The following POLR2F variants were observed in gnomAD, a reference collection of about 807,000 sequenced individuals.
POLR2F encodes DNA-directed RNA polymerases I, II, and III subunit RPABC2.
In POLR2F, 12 loss-of-function variants were observed where a neutral mutation model predicts 22.7. The observed-to-expected ratio is 0.53, with a 90% CI of 0.34 to 0.86. POLR2F has a LOEUF of 0.86. Ranked by LOEUF, POLR2F falls within the 40% of genes least tolerant of loss-of-function variation. The pLI is 0.02. For missense variants in POLR2F, 126 were observed against 171.5 expected (o/e 0.73, Z 1.48); for synonymous variants, 57 against 66.0 (o/e 0.86, Z 0.66).
At chr22:38,005,186 A>G (rs1403798504) in intron 1 of POLR2F, among the ~76,000 whole-genome samples, 3 of 152,170 alleles carry the variant, frequency 2.0e-5, no homozygotes, top group African/African-American at 7.2e-5. Flanking sequence ...CACAGTGAGC[A>G]CTCAGGAAGT....
At chr22:37,979,136 C>T (rs979681388) in intron 4 of POLR2F, among the ~76,000 whole-genome samples, 1 of 151,716 alleles carries the variant, frequency 6.6e-6, no homozygotes, top group Non-Finnish European at 1.5e-5. Flanking sequence ...CTCACTCTGT[C>T]GCCCAGGCTG....
intron 4 of POLR2F, among the ~76,000 whole-genome samples, chr22:37,975,967 G>A (rs914059024): frequency 2.0e-4 from 31 of 151,986 alleles, no homozygotes; most frequent in African/African-American, 7.0e-4. Context: ...GAGGCTGGGC[G>A]TGCTGGGTCA....
At chr22:37,960,829 G>C (rs562561696) in intron 3 of POLR2F, among the ~76,000 whole-genome samples, 1 of 150,218 alleles carries the variant, frequency 6.7e-6, no homozygotes, top group African/African-American at 2.5e-5. Context: ...CACCGTGCCC[G>C]GCCGGTGCAA....
intron 5 of POLR2F, among the ~76,000 whole-genome samples, chr22:38,037,439 A>ATTTTTTTTTT (rs10624395): frequency 3.2e-4 from 40 of 124,176 alleles, no homozygotes; most frequent in African/African-American, 1.2e-3. Flanking sequence ...ATGCTCGGCT[A>ATTTTTTTTTT]TTTTTTTTTT....
In POLR2F at chr22:37,968,429, TATAAG is replaced by T; in HGVS notation, c.*718_*722del. 1.0e-6 allele frequency: 1 copy of T among 986,000 alleles called. No homozygotes were observed. The highest frequency in any genetic ancestry group is 1.2e-6 in the Non-Finnish European group (1 of 830,250). 61.1% of individuals were successfully genotyped at this position (986,000 alleles called of 1,614,324 possible). ...ACACCCATGCCTTCTTCCTAGCCTC[TATAAG>T]ATATCCTTTCCCTCCTATTTGGGGC... On this transcript the variant is annotated 3_prime_UTR_variant, in exon 5 of 5. Coordinates refer to ENST00000442738, the MANE Select transcript of POLR2F (RefSeq NM_021974.5).
Position 38,001,003 on chromosome 22 carries a change from G to A in POLR2F, c.120+14691G>A, listed in dbSNP as rs12329973. The stretch of plus-strand genomic sequence containing the variant: ...GGGTATGAACGGAGATGACATCTGC[G>A]TCTTGCCTGGAAGCAGAGGGTAGGA... On this transcript the variant is annotated intron_variant, in intron 1 of 2. Transcript: ENST00000333418. Among the ~76,000 whole-genome samples, 570 of 152,284 alleles carry A rather than the reference G, an allele frequency of 3.7e-3. 2 individuals are homozygous for A. Among genetic ancestry groups the A allele is most frequent in the Non-Finnish European group, 6.9e-3 (467 of 68,028 alleles).
downstream of POLR2F, chr22:37,972,184 G>GGA (rs1468651297): frequency 4.4e-6 from 5 of 1,123,660 alleles, no homozygotes; most frequent in East Asian, 1.2e-4. Flanking sequence ...GAGGGAGGTG[G>GGA]GAGAGAGAGA....
chr22:37,993,728 G>A (rs950072710), intron 1 of POLR2F, among the ~76,000 whole-genome samples: 1 of 152,172 alleles, frequency 6.6e-6, no homozygotes, highest in East Asian at 1.9e-4. Context: ...AGTGGCTCAC[G>A]ACTGTAATCC....
chr22:37,962,563 T>G (rs1337557091), intron 3 of POLR2F, among the ~76,000 whole-genome samples: 1 of 152,226 alleles, frequency 6.6e-6, no homozygotes, highest in East Asian at 1.9e-4. Context: ...GTCAGGATCC[T>G]CTGGGCCTGC....
At chr22:37,994,977 C>T (rs1212644894) in intron 1 of POLR2F, among the ~76,000 whole-genome samples, 1 of 152,170 alleles carries the variant, frequency 6.6e-6, no homozygotes, top group Non-Finnish European at 1.5e-5. Flanking sequence ...TACCAGGTGG[C>T]AAATTGAGAA....
At chr22:38,030,820 C>T (rs570472710), downstream of POLR2F, among the ~76,000 whole-genome samples, 1 of 152,068 alleles carries the variant, frequency 6.6e-6, no homozygotes, top group African/African-American at 2.4e-5. Context: ...GCCTGGGGAG[C>T]GTGGTCAGTG....
chr22:37,963,613 C>T (rs547626873), intron 3 of POLR2F, among the ~76,000 whole-genome samples: 2 of 152,144 alleles, frequency 1.3e-5, no homozygotes, highest in Non-Finnish European at 2.9e-5. Context: ...AAGGATAGCA[C>T]AGGGGGATAG....
chr22:37,965,486 T>C (rs751575535), intron 3 of POLR2F, among the ~76,000 whole-genome samples: 10 of 152,264 alleles, frequency 6.6e-5, no homozygotes, highest in Non-Finnish European at 1.0e-4. Flanking sequence ...GCACATTCCA[T>C]GTGCATAATA....
intron 1 of POLR2F, among the ~76,000 whole-genome samples, chr22:38,000,743 T>C (rs527802184): frequency 1.3e-5 from 2 of 152,264 alleles, no homozygotes; most frequent in East Asian, 1.9e-4. Flanking sequence ...TCCAACATGC[T>C]CAAAGTGAAA....
At chr22:37,973,432 A>AG (rs972829668), downstream of POLR2F, 7 of 1,115,890 alleles carry the variant, frequency 6.3e-6, no homozygotes, top group Non-Finnish European at 7.6e-6. Flanking sequence ...GAGGTGGGCA[A>AG]GGAACAGGGC....
At chr22:37,954,988 G>T (rs1931313957) in intron 1 of POLR2F, among the ~76,000 whole-genome samples, 1 of 152,102 alleles carries the variant, frequency 6.6e-6, no homozygotes, top group African/African-American at 2.4e-5. Context: ...TAAATGAGAA[G>T]GAGAGTTGGC....
intron 4 of POLR2F, 62 bp from the exon 5 acceptor site, chr22:37,967,563 C>A: frequency 1.9e-6 from 3 of 1,595,968 alleles, no homozygotes; most frequent in Non-Finnish European, 2.6e-6. Context: ...ACAATCTGTT[C>A]CTTCTGCGGC....
At chr22:37,991,237 T>A (rs1932721317) in intron 1 of POLR2F, among the ~76,000 whole-genome samples, 1 of 152,212 alleles carries the variant, frequency 6.6e-6, no homozygotes, top group Non-Finnish European at 1.5e-5. Flanking sequence ...TCCCTCAGCC[T>A]CCTGAGTAGG....
intron 1 of POLR2F, among the ~76,000 whole-genome samples, chr22:38,005,033 C>T (rs2084808190): frequency 6.6e-6 from 1 of 152,206 alleles, no homozygotes; most frequent in Non-Finnish European, 1.5e-5. Context: ...GGCCAGGAGC[C>T]ATTGGTTTTT....
Sources: allele counts gnomAD v4.1 joint callset (sites outside exome capture counted in the v4.1 genomes callset), GRCh38; gene constraint gnomAD v4.1.1; transcripts MANE v1.5; gene names NCBI Gene and HGNC (gene_info 2026-07-23, HGNC 2026-07-21).